ENTREP2: variants seen among roughly 807,000 people sequenced by gnomAD.
ENTREP2 encodes the protein endosomal transmembrane epsin interactor 2, also known as protein ENTREP2.
the ENTREP2 span, among the ~76,000 whole-genome samples, chr15:29,672,337 A>G: frequency 6.6e-6 from 1 of 152,198 alleles, no homozygotes; most frequent in Non-Finnish European, 1.5e-5. Flanking sequence ...AATGGCATGT[A>G]CAATTTTTAT....
chr15:29,426,022 T>C, the ENTREP2 span, among the ~76,000 whole-genome samples: 1 of 150,264 alleles, frequency 6.7e-6, no homozygotes, highest in Non-Finnish European at 1.5e-5. Context: ...ATTGAATTTA[T>C]ATAATTATTA....
chr15:29,617,411 TC>T, the ENTREP2 span, among the ~76,000 whole-genome samples: 1 of 152,166 alleles, frequency 6.6e-6, no homozygotes, highest in Non-Finnish European at 1.5e-5. Flanking sequence ...GTGAGGGTGA[TC>T]TTTACTTAGT....
At chr15:29,369,930 C>T in the ENTREP2 span, among the ~76,000 whole-genome samples, 2 of 152,148 alleles carry the variant, frequency 1.3e-5, no homozygotes, top group African/African-American at 2.4e-5. Context: ...TTGCCTTTCC[C>T]TTTATCTGCC....
At chr15:29,630,577 A>T in the ENTREP2 span, among the ~76,000 whole-genome samples, 1 of 151,796 alleles carries the variant, frequency 6.6e-6, no homozygotes, top group Non-Finnish European at 1.5e-5. Context: ...AGCTTCACAA[A>T]TTTTCTCCTA....
At chr15:29,149,237 A>G in the ENTREP2 span, among the ~76,000 whole-genome samples, 1 of 152,334 alleles carries the variant, frequency 6.6e-6, no homozygotes, top group Non-Finnish European at 1.5e-5. Flanking sequence ...AATGGACAGC[A>G]ATACATTCAG....
the ENTREP2 span, among the ~76,000 whole-genome samples, chr15:29,180,088 G>C: frequency 6.6e-6 from 1 of 152,098 alleles, no homozygotes; most frequent in African/African-American, 2.4e-5. Flanking sequence ...CCAAGAACAG[G>C]AGGACACATG....
chr15:29,480,868 C>T, the ENTREP2 span, among the ~76,000 whole-genome samples: 3 of 152,024 alleles, frequency 2.0e-5, no homozygotes, highest in African/African-American at 4.8e-5. Context: ...AATGTGGAGG[C>T]GAGACAAGGG....
At chr15:29,403,456 A>C in the ENTREP2 span, among the ~76,000 whole-genome samples, 1 of 152,180 alleles carries the variant, frequency 6.6e-6, no homozygotes, top group African/African-American at 2.4e-5. Context: ...GTATTTGTTG[A>C]TACAGAACAT....
the ENTREP2 span, among the ~76,000 whole-genome samples, chr15:29,491,349 T>C: frequency 6.6e-6 from 1 of 152,178 alleles, no homozygotes; most frequent in Non-Finnish European, 1.5e-5. Context: ...GAAGGGCTCC[T>C]CAAGCGTGGC....
chr15:29,570,194 G>C, the ENTREP2 span, among the ~76,000 whole-genome samples: 1 of 150,790 alleles, frequency 6.6e-6, no homozygotes, highest in Non-Finnish European at 1.5e-5. Flanking sequence ...CGGCGCGCGC[G>C]GTCCCCGGCG....
chr15:29,446,851 G>A, the ENTREP2 span, among the ~76,000 whole-genome samples: 1 of 152,172 alleles, frequency 6.6e-6, no homozygotes, highest in South Asian at 2.1e-4. Context: ...CCAGAGCCAG[G>A]AGCATGGTAT....
the ENTREP2 span, among the ~76,000 whole-genome samples, chr15:29,300,720 T>A: frequency 6.6e-6 from 1 of 152,090 alleles, no homozygotes; most frequent in African/African-American, 2.4e-5. Flanking sequence ...TGCCTCAGCC[T>A]CCCGAGTAGC....
chr15:29,457,139 C>A, the ENTREP2 span, among the ~76,000 whole-genome samples: 1 of 152,136 alleles, frequency 6.6e-6, no homozygotes, highest in Non-Finnish European at 1.5e-5. Flanking sequence ...AAAAGGAGCA[C>A]GACTTCCCAA....
At chr15:29,313,966 A>T in the ENTREP2 span, among the ~76,000 whole-genome samples, 1 of 152,224 alleles carries the variant, frequency 6.6e-6, no homozygotes, top group African/African-American at 2.4e-5. Flanking sequence ...GGTGACCTTG[A>T]GGTTTTCAAA....
chr15:29,173,680 C>T, the ENTREP2 span, among the ~76,000 whole-genome samples: 1 of 152,074 alleles, frequency 6.6e-6, no homozygotes, highest in Non-Finnish European at 1.5e-5. Flanking sequence ...GGGCACCATT[C>T]ATCTTCTGAT....
the ENTREP2 span, among the ~76,000 whole-genome samples, chr15:29,239,051 A>G: frequency 3.3e-5 from 5 of 152,282 alleles, no homozygotes; most frequent in African/African-American, 1.2e-4. Context: ...AAAAAATCTA[A>G]TATTTTAATA....
At chr15:29,278,014 A>G in the ENTREP2 span, among the ~76,000 whole-genome samples, 6,265 of 147,468 alleles carry the variant, frequency 0.042, 368 homozygotes, top group African/African-American at 0.14. Flanking sequence ...CCATGTATAC[A>G]TAACTGGTGG....
chr15:29,320,686 G>GA, the ENTREP2 span, among the ~76,000 whole-genome samples: 11 of 152,124 alleles, frequency 7.2e-5, no homozygotes, highest in African/African-American at 2.7e-4. Flanking sequence ...GAACGTCTGA[G>GA]AAAAAATCAA....
At chr15:29,452,668 GCTT>G in the ENTREP2 span, 1 of 152,202 alleles carries the variant, frequency 6.6e-6, no homozygotes, top group African/African-American at 2.4e-5. Flanking sequence ...CTCCAGAGAT[GCTT>G]CTGCAAGCAT....
Sources: allele counts gnomAD v4.1 joint callset (sites outside exome capture counted in the v4.1 genomes callset), GRCh38; gene constraint gnomAD v4.1.1; transcripts MANE v1.5; gene names NCBI Gene and HGNC (gene_info 2026-07-23, HGNC 2026-07-21).